Variants in ZNF804B observed in about 807,000 individuals in gnomAD.
ZNF804B encodes zinc finger 804B.
Under a neutral mutation model 101.4 loss-of-function variants are expected in ZNF804B, and 80 were observed. The ratio of observed to expected loss-of-function variants is 0.79; its 90% confidence interval spans 0.66 to 0.95. ZNF804B has a LOEUF of 0.95. Among genes scored for constraint, ZNF804B ranks in the 40% least tolerant of loss-of-function variants. The pLI is 0.00. For missense variants in ZNF804B, 1,673 were observed against 1,561.9 expected (o/e 1.07, Z -1.20); for synonymous variants, 622 against 558.8 (o/e 1.11, Z -1.59).
chr7:89,032,955 A>G (rs1788861621), intron 1 of ZNF804B, among the ~76,000 whole-genome samples: 1 of 151,866 alleles, frequency 6.6e-6, no homozygotes, highest in African/African-American at 2.4e-5. Flanking sequence ...TGATAAAAAC[A>G]TTTGAAATTT....
chr7:88,887,190 G>A (rs1263359505), intron 1 of ZNF804B, among the ~76,000 whole-genome samples: 1 of 65,136 alleles, frequency 1.5e-5, no homozygotes, highest in Non-Finnish European at 2.6e-5. Flanking sequence ...AAACAAAAAT[G>A]CATTTTTTTC....
chr7:88,806,124 T>C (rs1278132477), intron 1 of ZNF804B, among the ~76,000 whole-genome samples: 2 of 152,188 alleles, frequency 1.3e-5, no homozygotes, highest in African/African-American at 4.8e-5. Flanking sequence ...TTAAATTGGC[T>C]ATATCCCTCC....
At chr7:89,150,211 A>G (rs1164668685) in intron 1 of ZNF804B, among the ~76,000 whole-genome samples, 2 of 151,972 alleles carry the variant, frequency 1.3e-5, no homozygotes. Context: ...CTAGGTTACT[A>G]GATTGAAAAA....
intron 2 of ZNF804B, among the ~76,000 whole-genome samples, chr7:89,300,687 TG>T (rs1790458442): frequency 6.6e-6 from 1 of 151,798 alleles, no homozygotes; most frequent in African/African-American, 2.4e-5. Context: ...AAGATGAAAC[TG>T]GAGAGGTATA....
chr7:89,093,138 A>G (rs1402949869), intron 1 of ZNF804B, among the ~76,000 whole-genome samples: 2 of 152,014 alleles, frequency 1.3e-5, no homozygotes, highest in African/African-American at 4.8e-5. Flanking sequence ...GTAGCCTCCC[A>G]CTCTAACTCT....
At chr7:89,147,937 T>C (rs1337873758) in intron 1 of ZNF804B, among the ~76,000 whole-genome samples, 1 of 151,854 alleles carries the variant, frequency 6.6e-6, no homozygotes, top group Non-Finnish European at 1.5e-5. Flanking sequence ...TATATTACAA[T>C]GAAATATATA....
At chr7:88,954,079 A>G (rs185391995) in intron 1 of ZNF804B, among the ~76,000 whole-genome samples, 21 of 151,900 alleles carry the variant, frequency 1.4e-4, no homozygotes, top group African/African-American at 4.8e-4. Context: ...ACCATTTGAA[A>G]GTTTGACTGA....
At position 89,336,298 on chromosome 7, in the gene ZNF804B, C is replaced by A. The variant is rs1791089050; in HGVS notation, c.3316C>A (p.His1106Asn). 1 of 1,613,788 alleles carries A rather than the reference C, an allele frequency of 6.2e-7. No homozygotes were observed. Among genetic ancestry groups the A allele is most frequent in the Non-Finnish European group, 8.5e-7 (1 of 1,179,918 alleles). ...INLDLQDVSM[H>N]INHVEGNINS... The stretch of plus-strand genomic sequence containing the variant: ...TCTAGACTTACAGGATGTAAGCATG[C>A]ATATAAATCATGTAGAGGGAAATAT... Residue 1106 changes from histidine to asparagine, a missense_variant, in exon 4 of 4, where the codon CAT (histidine) becomes AAT (asparagine). Coordinates refer to ENST00000333190, the MANE Select transcript of ZNF804B (RefSeq NM_181646.5).
intron 1 of ZNF804B, among the ~76,000 whole-genome samples, chr7:88,771,803 T>G (rs578184944): frequency 6.6e-5 from 10 of 152,284 alleles, no homozygotes; most frequent in African/African-American, 2.4e-4. Flanking sequence ...TTAGAACTGT[T>G]TTGCAAGTGG....
intron 1 of ZNF804B, among the ~76,000 whole-genome samples, chr7:89,001,499 C>A (rs530358136): frequency 2.0e-5 from 3 of 151,716 alleles, no homozygotes; most frequent in Non-Finnish European, 4.4e-5. Context: ...CAGTTCAAGG[C>A]GTAGTTATCT....
intron 1 of ZNF804B, among the ~76,000 whole-genome samples, chr7:88,929,825 A>G (rs530707980): frequency 2.6e-5 from 4 of 152,106 alleles, no homozygotes; most frequent in African/African-American, 9.6e-5. Flanking sequence ...TTTCACAGAG[A>G]TTTAGTTTAT....
At chr7:89,025,066 C>T (rs757059166) in intron 1 of ZNF804B, among the ~76,000 whole-genome samples, 2 of 151,988 alleles carry the variant, frequency 1.3e-5, no homozygotes, top group African/African-American at 2.4e-5. Flanking sequence ...TAAAGTCTTT[C>T]CAATTTTCTT....
chr7:89,000,570 A>G (rs1788269000), intron 1 of ZNF804B, among the ~76,000 whole-genome samples: 1 of 151,974 alleles, frequency 6.6e-6, no homozygotes, highest in African/African-American at 2.4e-5. Context: ...ACTGTGCTGT[A>G]TATTAGATCC....
At chr7:88,896,356 T>G (rs1378521156) in intron 1 of ZNF804B, among the ~76,000 whole-genome samples, 2 of 152,120 alleles carry the variant, frequency 1.3e-5, no homozygotes, top group African/African-American at 4.8e-5. Flanking sequence ...TGGAACTGTT[T>G]TGTGAATGTA....
At chr7:89,211,538 T>G (rs950462691) in intron 1 of ZNF804B, among the ~76,000 whole-genome samples, 1 of 152,196 alleles carries the variant, frequency 6.6e-6, no homozygotes, top group Non-Finnish European at 1.5e-5. Flanking sequence ...AGTTAATTTT[T>G]GTATAAGGTG....
At chr7:89,331,938 C>T (rs801837) in intron 3 of ZNF804B, among the ~76,000 whole-genome samples, 110,213 of 151,062 alleles carry the variant, frequency 0.73, 40,410 homozygotes, top group East Asian at 0.89. Flanking sequence ...TGCCCAAGAA[C>T]AAAAATTCAC....
At position 88,801,849 on chromosome 7, in the gene ZNF804B, G is replaced by T. The variant is rs570713786; in HGVS notation, c.108+41765G>T. Among the ~76,000 whole-genome samples the T allele has an allele frequency of 1.3e-4, 20 of 152,166 alleles. No individual in the cohort carries two copies. In the South Asian group the frequency reaches 3.7e-3, roughly 28 times the overall value. ...AATTTTGAAGAATATTTCAAGGGAG[G>T]AAAAATAGTTATTCACTGAAACGAA... On this transcript the variant is annotated intron_variant, in intron 1 of 3. Transcript: ENST00000333190.
At chr7:88,887,748 TG>T (rs2115922386) in intron 1 of ZNF804B, among the ~76,000 whole-genome samples, 1 of 137,940 alleles carries the variant, frequency 7.2e-6, no homozygotes, top group African/African-American at 2.9e-5. Flanking sequence ...ATGAGTTCAT[TG>T]TAAAAAAAAA....
intron 1 of ZNF804B, among the ~76,000 whole-genome samples, chr7:89,163,150 A>G (rs1480945487): frequency 1.3e-5 from 2 of 152,104 alleles, no homozygotes; most frequent in East Asian, 3.9e-4. Context: ...TATTGAGTAA[A>G]CACATGGGAA....
Sources: allele counts gnomAD v4.1 joint callset (sites outside exome capture counted in the v4.1 genomes callset), GRCh38; gene constraint gnomAD v4.1.1; transcripts MANE v1.5; gene names NCBI Gene and HGNC (gene_info 2026-07-23, HGNC 2026-07-21).